Variants in NTNG2 observed in about 807,000 individuals in gnomAD.
NTNG2 encodes netrin G2.
NTNG2 carries 15 observed loss-of-function variants against 47.6 expected under a neutral mutation model. The ratio of observed to expected loss-of-function variants is 0.32; its 90% CI spans 0.21 to 0.49. NTNG2 has a LOEUF of 0.49. NTNG2 is among the 20% of genes least tolerant of loss of function. The probability of loss-of-function intolerance (pLI) is 0.99; values close to 1 mark genes in which losing one functional copy is unlikely to be tolerated. For missense variants in NTNG2, 578 were observed against 764.6 expected, an observed-to-expected ratio of 0.76 and a Z score of 2.88; for synonymous variants, 307 against 324.6, an observed-to-expected ratio of 0.95 and a Z score of 0.58.
rs769570116 is a variant in NTNG2, at chr9:132,162,569, AGTGTGTGT to A, written c.-484+371_-484+378del. Among the ~76,000 whole-genome samples, 1,863 of 112,452 alleles carry A rather than the reference AGTGTGTGT, an allele frequency of 0.017. 67 individuals are homozygous for A. The highest frequency in any genetic ancestry group is 0.04 in the African/African-American group (1,144 of 28,310). 73.8% of individuals were successfully genotyped at this position (112,452 alleles called of 152,430 possible). A position where few individuals can be genotyped will look rare whatever the true frequency, so the allele number is the denominator to read the frequency against. ...GTGTGTGTGTGTGAGAGAGAGACAGAGTGTGTGTGTGTGTGTGTGTGTGTGTGTGTGTG... is the reference window on the plus strand; with the variant it reads ...GTGTGTGTGTGTGAGAGAGAGACAGAGTGTGTGTGTGTGTGTGTGTGTGTG... On this transcript the variant is annotated intron_variant, in intron 1 of 7. Transcript: ENST00000393229. This position sits in a 1 kb window ranked among gnomAD's most constrained non-coding sequence, Gnocchi z 4.6.
intron 2 of NTNG2, among the ~76,000 whole-genome samples, chr9:132,187,277 T>C (rs188063581): frequency 3.9e-5 from 6 of 152,340 alleles, no homozygotes; most frequent in African/African-American, 7.2e-5. Flanking sequence ...GAGTAATTGC[T>C]TGGAGCTGGG....
At chr9:132,234,935 G>A (rs912266441) in intron 5 of NTNG2, among the ~76,000 whole-genome samples, 9 of 152,224 alleles carry the variant, frequency 5.9e-5, no homozygotes, top group South Asian at 2.1e-4. Context: ...TTCAAGAAGC[G>A]GAAAACAGCA....
chr9:132,242,114 C>A lies in NTNG2; in HGVS notation c.*3C>A, dbSNP rs1377741109. On this transcript the variant is annotated 3_prime_UTR_variant, in exon 8 of 8. Coordinates refer to ENST00000393229, the MANE Select transcript of NTNG2 (RefSeq NM_032536.4). This position sits in a 1 kb window ranked among gnomAD's most constrained non-coding sequence, Gnocchi z 5.9. Reference sequence around the variant, plus strand: ...TGGCCGCCCGCCTGGGCCGCTGAGCCCCGCCCGGAGGACGCTCCCCGCACC... The same window carrying A: ...TGGCCGCCCGCCTGGGCCGCTGAGCACCGCCCGGAGGACGCTCCCCGCACC... The A allele has an allele frequency of 1.8e-6, 2 of 1,128,818 alleles. No individual in the cohort carries two copies. The highest frequency in any genetic ancestry group is 4.9e-5 in the Admixed American group (1 of 20,490). 69.9% of individuals were successfully genotyped at this position (1,128,818 alleles called of 1,614,324 possible).
intron 2 of NTNG2, among the ~76,000 whole-genome samples, chr9:132,173,688 G>A (rs1168583766): frequency 6.6e-6 from 1 of 152,086 alleles, no homozygotes; most frequent in Non-Finnish European, 1.5e-5. Flanking sequence ...CCATGCTGCG[G>A]ATGAGACGGA....
chr9:132,171,078 C>T (rs1835880758), intron 2 of NTNG2, among the ~76,000 whole-genome samples: 1 of 152,148 alleles, frequency 6.6e-6, no homozygotes, highest in African/African-American at 2.4e-5. Context: ...CCGAGATTCC[C>T]AGATGCGGGC....
chr9:132,242,355 C>T lies in NTNG2; in HGVS notation c.*244C>T, dbSNP rs112471944. On this transcript the variant is annotated 3_prime_UTR_variant, in exon 8 of 8. Transcript: ENST00000393229. The surrounding 1 kb of genome is among the most constrained non-coding windows in gnomAD (Gnocchi z 5.9). The stretch of plus-strand genomic sequence containing the variant: ...TTTCGTTTTTCTTTTGTATTATCCG[C>T]CGCCCAGTTCCTTTTTTGTCTTTCT... The T allele has an allele frequency of 0.043, 7,293 of 171,114 alleles. 221 individuals carry two copies. The highest frequency in any genetic ancestry group is 0.12 in the Middle Eastern group (45 of 388). The allele number at this position is 171,114 out of a possible 1,614,324, so 10.6% of individuals were successfully genotyped here.
chr9:132,210,610 T>C (rs7036716), intron 3 of NTNG2, among the ~76,000 whole-genome samples: 92,899 of 152,146 alleles, frequency 0.61, 30,947 homozygotes, highest in African/African-American at 0.9. Context: ...TCTGTGGCCA[T>C]GACACCCGGC....
intron 4 of NTNG2, among the ~76,000 whole-genome samples, 179 bp downstream of exon 4, chr9:132,227,200 CAT>C (rs1306547485): frequency 6.6e-6 from 1 of 152,224 alleles, no homozygotes; most frequent in Non-Finnish European, 1.5e-5. Flanking sequence ...CATGGGCACA[CAT>C]ATGAATGCAA....
intron 2 of NTNG2, among the ~76,000 whole-genome samples, chr9:132,192,877 G>A (rs1838004570): frequency 6.6e-6 from 1 of 152,254 alleles, no homozygotes; most frequent in Admixed American, 6.5e-5. Flanking sequence ...CAGGCGAGGG[G>A]CCTGTAAACA....
Position 132,218,641 on chromosome 9 carries a change from C to T in NTNG2, c.858-8208C>T, listed in dbSNP as rs779929170. ...CCTCCCGAGTAGCTGGGATTACAGG[C>T]GCATGCCACCACACCCAGCTAATTT... On this transcript the variant is annotated intron_variant, in intron 3 of 7. Transcript: ENST00000393229. The surrounding 1 kb of genome is among the most constrained non-coding windows in gnomAD (Gnocchi z 5.4). Among the ~76,000 whole-genome samples the T allele has an allele frequency of 2.6e-5, 4 of 152,050 alleles. No individual in the cohort carries two copies. The highest frequency in any genetic ancestry group is 4.4e-5 in the Non-Finnish European group (3 of 68,018).
rs56128215 is a variant in NTNG2 at position 132,166,965 on chromosome 9, G to T, written c.134G>T (p.Arg45Leu). ...TACGCCTGCCAGCCCAAGGTGATGC[G>T]CCTGAAGGACTACGTCAAGGTGAAG... ...EFYACQPKVM[R>L]LKDYVKVKVE... Residue 45 changes from arginine to leucine, a missense_variant, in exon 2 of 8, where the codon CGC (arginine) becomes CTC (leucine). Coordinates refer to ENST00000393229, the MANE Select transcript of NTNG2 (RefSeq NM_032536.4). 2 of 1,614,120 alleles carry T rather than the reference G, an allele frequency of 1.2e-6. No homozygotes were observed. The highest frequency in any genetic ancestry group is 1.7e-5 in the Admixed American group (1 of 60,014).
chr9:132,191,732 C>A (rs1015122678), intron 2 of NTNG2, among the ~76,000 whole-genome samples: 2 of 152,074 alleles, frequency 1.3e-5, no homozygotes, highest in Non-Finnish European at 2.9e-5. Flanking sequence ...CCGCTACACC[C>A]GGCTAATTTT....
In NTNG2 at chr9:132,242,930, T is replaced by A. The variant is rs1412673331; in HGVS notation, c.*819T>A. Reference sequence around the variant, plus strand: ...AGCCTTAAAGAAACGGTTTCCCTACTGGGGCCACCATTTCCCTGGGCCTTT... The same window carrying A: ...AGCCTTAAAGAAACGGTTTCCCTACAGGGGCCACCATTTCCCTGGGCCTTT... On this transcript the variant is annotated 3_prime_UTR_variant, in exon 8 of 8. Coordinates refer to ENST00000393229, the MANE Select transcript of NTNG2 (RefSeq NM_032536.4). The surrounding 1 kb of genome is among the most constrained non-coding windows in gnomAD (Gnocchi z 5.9). 6.6e-6 allele frequency: 1 copy of A among 152,200 alleles called. No individual in the cohort carries two copies. The highest frequency in any genetic ancestry group is 1.5e-5 in the Non-Finnish European group (1 of 68,046). The allele number at this position is 152,200 out of a possible 1,614,324, so 9.4% of individuals were successfully genotyped here.
At chr9:132,232,863 G>C (rs754263478) in intron 5 of NTNG2, 1 of 152,440 alleles carries the variant, frequency 6.6e-6, no homozygotes, top group Non-Finnish European at 1.5e-5. Context: ...CTCCTGCCTC[G>C]GCCTGTTGCT....
At chr9:132,176,834 C>T (rs774959809) in intron 2 of NTNG2, among the ~76,000 whole-genome samples, 1 of 152,146 alleles carries the variant, frequency 6.6e-6, no homozygotes, top group Non-Finnish European at 1.5e-5. Flanking sequence ...CCAGTTTCTC[C>T]GAATCCTTGT....
rs765572045 is a variant in NTNG2, at chr9:132,198,190, C to T, written c.438C>T (p.Pro146=). 2 of 1,613,530 alleles carry T rather than the reference C, an allele frequency of 1.2e-6. No homozygotes were observed. The highest frequency in any genetic ancestry group is 1.7e-5 in the Admixed American group (1 of 60,032). Residue 146 remains proline, a synonymous_variant, in exon 3 of 8, where the codon CCC becomes CCT. Transcript: ENST00000393229. ...DVVMTFEYGR[P]TVMVLEKSLD... is the part of the protein sequence containing the mutation. ...TGATGACCTTCGAGTACGGCCGGCCCACGGTCATGGTCCTGGAGAAGTCCC... is the reference window on the plus strand; with the variant it reads ...TGATGACCTTCGAGTACGGCCGGCCTACGGTCATGGTCCTGGAGAAGTCCC...
chr9:132,220,413 C>T (rs185521283), intron 3 of NTNG2, among the ~76,000 whole-genome samples: 3 of 150,590 alleles, frequency 2.0e-5, no homozygotes, highest in African/African-American at 7.3e-5. Flanking sequence ...TCTAAGAAAC[C>T]ATTGCTTAAT....
chr9:132,202,714 G>C (rs1838868937), intron 3 of NTNG2, among the ~76,000 whole-genome samples: 1 of 152,170 alleles, frequency 6.6e-6, no homozygotes, highest in South Asian at 2.1e-4. Flanking sequence ...TAAGAGAAGC[G>C]GGGCCCAAAC....
chr9:132,225,509 AT>A (rs1208727287), intron 3 of NTNG2, among the ~76,000 whole-genome samples: 1 of 152,038 alleles, frequency 6.6e-6, no homozygotes, highest in Admixed American at 6.6e-5. Context: ...GGCTCAATTG[AT>A]CCTCCTGCGT....
Sources: gnomAD v4.1 joint callset for allele counts (sites outside exome capture counted in the v4.1 genomes callset) on GRCh38, gnomAD v4.1.1 for gene constraint, Gnocchi (gnomAD v3.1) non-coding constraint, MANE v1.5 for transcripts, NCBI Gene and HGNC (gene_info 2026-07-23, HGNC 2026-07-21) for gene names.